The following ACSBG1 variants were observed in gnomAD, a reference collection of about 807,000 sequenced individuals.
ACSBG1 encodes acyl-CoA synthetase bubblegum family member 1, also known as long-chain-fatty-acid--CoA ligase ACSBG1.
In ACSBG1, 39 loss-of-function variants were observed where a neutral mutation model predicts 80.2. The observed-to-expected ratio is 0.49, with a 90% CI of 0.38 to 0.64. The LOEUF is 0.64. Among genes scored for constraint, ACSBG1 ranks in the 30% least tolerant of loss-of-function variants. The probability of loss-of-function intolerance (pLI) is 0.00; values close to 1 mark genes in which losing one functional copy is unlikely to be tolerated. For synonymous variants in ACSBG1, 392 were observed against 379.5 expected, an observed-to-expected ratio of 1.03 and a Z score of -0.38; for missense variants, 828 against 966.4, an observed-to-expected ratio of 0.86 and a Z score of 1.90.
intron 11 of ACSBG1, 145 bp from the exon 12 acceptor site, chr15:78,174,669 C>T (rs1473702334): frequency 1.1e-5 from 11 of 983,342 alleles, no homozygotes; most frequent in Non-Finnish European, 4.4e-6. Context: ...GTGGCAGGCC[C>T]TCCAAAGCAA....
At position 78,182,605 on chromosome 15, in the gene ACSBG1, A is replaced by C; in HGVS notation, c.755T>G (p.Phe252Cys). The C allele has an allele frequency of 6.2e-7, 1 of 1,614,060 alleles. No individual in the cohort carries two copies. The highest frequency in any genetic ancestry group is 8.5e-7 in the Non-Finnish European group (1 of 1,179,948). The change falls in exon 7 of 14, where the codon TTC (phenylalanine) becomes TGC (cysteine). Residue 252 changes from phenylalanine to cysteine, a missense_variant. Around this residue, in one of 3 missense-constraint regions of ACSBG1, gnomAD observed 356 missense variants for 363.5 expected, o/e 0.98. Transcript: ENST00000258873. ...AGGCACTTCATTCCCCAGCTCCATG[A>C]ATTCCTCCATCTGTAGCCAGATGCA... Reference protein sequence around the residue: ...KMANVYTMEEFMELGNEVPEE... With the variant: ...KMANVYTMEECMELGNEVPEE...
chr15:78,181,015 G>A (rs2141328925), intron 8 of ACSBG1, 79 bp from the exon 9 acceptor site: 1 of 1,528,514 alleles, frequency 6.5e-7, no homozygotes, highest in East Asian at 2.3e-5. Context: ...AGCCAGGCAT[G>A]CCGGTGGCAC....
At chr15:78,215,727 A>AAAGAAAGAAAGAAAGGAAGAAAGAAAGG (rs1485055185) in intron 1 of ACSBG1, among the ~76,000 whole-genome samples, 16 of 53,628 alleles carry the variant, frequency 3.0e-4, no homozygotes, top group African/African-American at 1.0e-3. Flanking sequence ...AAAGAAAGAG[A>AAAGAAAGAAAGAAAGGAAGAAAGAAAGG]AAGAAAGAAA....
intron 1 of ACSBG1, among the ~76,000 whole-genome samples, chr15:78,221,076 C>T (rs1472666885): frequency 1.3e-5 from 2 of 152,248 alleles, no homozygotes; most frequent in Non-Finnish European, 1.5e-5. Flanking sequence ...CCCCTCCACA[C>T]CTCTGGGTAT....
intron 2 of ACSBG1, among the ~76,000 whole-genome samples, chr15:78,207,514 A>C (rs1370820796): frequency 1.3e-5 from 2 of 152,022 alleles, no homozygotes; most frequent in African/African-American, 4.8e-5. Flanking sequence ...GCCTTCCTTA[A>C]GGCACAATTA....
intron 2 of ACSBG1, among the ~76,000 whole-genome samples, chr15:78,197,273 A>C (rs941191352): frequency 2.0e-4 from 31 of 152,214 alleles, no homozygotes; most frequent in Admixed American, 1.8e-3. Flanking sequence ...GAATAGGCAC[A>C]AGAGATCTTT....
chr15:78,199,879 A>G (rs989489097), intron 2 of ACSBG1, among the ~76,000 whole-genome samples: 12 of 152,120 alleles, frequency 7.9e-5, no homozygotes, highest in African/African-American at 2.6e-4. Flanking sequence ...TGATATTAAC[A>G]TGCCTGCCTC....
intron 1 of ACSBG1, among the ~76,000 whole-genome samples, chr15:78,224,644 C>A (rs1367034041): frequency 6.6e-6 from 1 of 152,094 alleles, no homozygotes; most frequent in African/African-American, 2.4e-5. Flanking sequence ...TGGCATGAAC[C>A]CAGGAGGTGG....
chr15:78,194,545 G>A lies in ACSBG1; in HGVS notation c.414C>T (p.Tyr138=), dbSNP rs1302694385. Residue 138 remains tyrosine, a synonymous_variant, in exon 3 of 14, where the codon TAC becomes TAT. Coordinates refer to ENST00000258873, the MANE Select transcript of ACSBG1 (RefSeq NM_015162.5). ...TGGCGGCTCTGCGGGCGAGCAGGTA[G>A]TATTGGGAGTAGGAGATGTGTTCCC... ...DKWEHISYSQ[Y]YLLARRAAKG... is the part of the protein sequence containing the mutation. 1 of 1,614,274 alleles carries A rather than the reference G, an allele frequency of 6.2e-7. No homozygotes were observed. Among genetic ancestry groups the A allele is most frequent in the South Asian group, 1.1e-5 (1 of 91,090 alleles).
intron 2 of ACSBG1, among the ~76,000 whole-genome samples, chr15:78,203,257 C>T (rs1222901352): frequency 6.6e-6 from 1 of 152,204 alleles, no homozygotes; most frequent in Non-Finnish European, 1.5e-5. Context: ...AAACTAAGAT[C>T]ACTGCTGTAG....
rs145476739 is a variant in ACSBG1 at position 78,182,297 on chromosome 15, C to G, written c.895-152G>C. 672 of 1,323,336 alleles carry G rather than the reference C, an allele frequency of 5.1e-4. 5 individuals carry two copies. The African/African-American group carries it at 6.9e-3, about 14-fold the overall frequency. The allele number at this position is 1,323,336 out of a possible 1,614,324, so 82.0% of individuals were successfully genotyped here. ...ACCCCAGGACAGGCCTCCCCTCCCC[C>G]TTGCTGAGCTCAGTCTGGGCCACAG... On this transcript the variant is annotated intron_variant, in intron 7 of 13. Coordinates refer to ENST00000258873, the MANE Select transcript of ACSBG1 (RefSeq NM_015162.5).
chr15:78,174,066 A>T (rs2074856773), intron 12 of ACSBG1, among the ~76,000 whole-genome samples: 1 of 152,174 alleles, frequency 6.6e-6, no homozygotes, highest in Non-Finnish European at 1.5e-5. Context: ...CATTGTCTGT[A>T]AAGCAGGGAC....
chr15:78,215,744 A>G (rs898711278), intron 1 of ACSBG1, among the ~76,000 whole-genome samples: 3 of 130,318 alleles, frequency 2.3e-5, no homozygotes, highest in Non-Finnish European at 5.4e-5. Flanking sequence ...GAAAGAAAGA[A>G]AGAAAGAAAG....
At chr15:78,208,190 A>C (rs1386040392) in intron 1 of ACSBG1, 88 bp from the exon 2 acceptor site, 3 of 951,668 alleles carry the variant, frequency 3.2e-6, no homozygotes, top group Non-Finnish European at 5.0e-6. Context: ...CACACATCTC[A>C]GCACCCCCAG....
chr15:78,218,658 C>T (rs1311220365), intron 1 of ACSBG1, among the ~76,000 whole-genome samples: 2 of 152,092 alleles, frequency 1.3e-5, no homozygotes, highest in African/African-American at 4.8e-5. Context: ...GAATTACAAT[C>T]CCTATTTTAT....
intron 5 of ACSBG1, among the ~76,000 whole-genome samples, chr15:78,192,843 G>A (rs2075068392): frequency 6.6e-6 from 1 of 152,096 alleles, no homozygotes; most frequent in African/African-American, 2.4e-5. Flanking sequence ...GGACTCCCTT[G>A]GGATGCAGGG....
At chr15:78,173,344 CAAAAAAAAAAA>C (rs59008825) in intron 13 of ACSBG1, among the ~76,000 whole-genome samples, 2 of 75,226 alleles carry the variant, frequency 2.7e-5, no homozygotes, top group Admixed American at 2.0e-4. Flanking sequence ...GACTCCATCT[CAAAAAAAAAAA>C]AAAAAAAAAA....
intron 7 of ACSBG1, 89 bp from the exon 8 acceptor site, chr15:78,182,234 G>A: frequency 6.6e-7 from 1 of 1,504,878 alleles, no homozygotes; most frequent in Non-Finnish European, 8.9e-7. Context: ...GCCAGCCCCA[G>A]TGTGGTGCCC....
In ACSBG1 at chr15:78,193,620, G is replaced by A. The variant is rs551182309; in HGVS notation, c.549C>T (p.Ile183=). 8.7e-5 allele frequency: 140 copies of A among 1,612,122 alleles called. No individual in the cohort carries two copies. The highest frequency in any genetic ancestry group is 1.1e-4 in the Non-Finnish European group (129 of 1,179,078). Residue 183 remains isoleucine (I), a synonymous_variant, in exon 5 of 14, where the codon ATC becomes ATT. Coordinates refer to ENST00000258873, the MANE Select transcript of ACSBG1 (RefSeq NM_015162.5). ...SAVGTVFAGG[I]VTGIYTTSSP... ...AGCTGGTGGTGTAGATGCCAGTGACGATGCCACTGTAGGAGACCCAGGAAG... is the reference window on the plus strand; with the variant it reads ...AGCTGGTGGTGTAGATGCCAGTGACAATGCCACTGTAGGAGACCCAGGAAG...
Sources: gnomAD v4.1 joint callset for allele counts (sites outside exome capture counted in the v4.1 genomes callset) on GRCh38, gnomAD v4.1.1 for gene constraint, gnomAD v4.1.1 regional missense constraint, MANE v1.5 for transcripts, NCBI Gene and HGNC (gene_info 2026-07-23, HGNC 2026-07-21) for gene names.